FXYD6: variants seen among roughly 807,000 people sequenced by gnomAD.
The protein encoded by FXYD6 is FXYD domain containing ion transport regulator 6.
A neutral mutation model predicts 16.7 loss-of-function variants in FXYD6; 7 were observed. The observed-to-expected ratio is 0.42, with a 90% CI of 0.24 to 0.79. The LOEUF is 0.79. Ranked by LOEUF, FXYD6 falls within the 30% of genes least tolerant of loss-of-function variation. The probability of loss-of-function intolerance (pLI) is 0.28; values close to 1 mark genes in which losing one functional copy is unlikely to be tolerated. For synonymous variants in FXYD6, 49 were observed against 43.0 expected, an observed-to-expected ratio of 1.14 and a Z score of -0.54; for missense variants, 111 against 116.2, an observed-to-expected ratio of 0.95 and a Z score of 0.21.
chr11:117,842,903 G>A, intron 1 of FXYD6, 122 bp from the exon 2 acceptor site: 1 of 1,016,174 alleles, frequency 9.8e-7, no homozygotes, highest in Non-Finnish European at 1.5e-6. Context: ...TCATGACTTG[G>A]TGAGGGTTCA....
chr11:117,851,577 T>C (rs4525269), intron 1 of FXYD6, among the ~76,000 whole-genome samples: 21,650 of 152,270 alleles, frequency 0.14, 1,598 homozygotes, highest in Middle Eastern at 0.23. Flanking sequence ...AGTTTGGAAG[T>C]AATTTGCTAT....
In FXYD6 at chr11:117,841,840, T is replaced by C; in HGVS notation, c.123A>G (p.Gly41=). Residue 41 remains glycine (G), a synonymous_variant, in exon 4 of 8, where the codon GGA becomes GGG. Coordinates refer to ENST00000526014, the MANE Select transcript of FXYD6 (RefSeq NM_022003.4). The stretch of plus-strand genomic sequence containing the variant: ...AGAAGAGGACCACAGCGAACACCAG[T>C]CCCCCAATCCTCAGGGTCTGGTAAT... ...HYDYQTLRIG[G]LVFAVVLFSV... The C allele has an allele frequency of 6.2e-7, 1 of 1,613,266 alleles. No individual in the cohort carries two copies. The highest frequency in any genetic ancestry group is 8.5e-7 in the Non-Finnish European group (1 of 1,179,788).
chr11:117,857,130 T>C (rs561614473), intron 1 of FXYD6, among the ~76,000 whole-genome samples: 15 of 151,920 alleles, frequency 9.9e-5, no homozygotes, highest in Non-Finnish European at 1.8e-4. Flanking sequence ...CCTCCTTGGA[T>C]TGGAGATGGG....
intron 1 of FXYD6, among the ~76,000 whole-genome samples, chr11:117,868,091 C>T (rs1193998532): frequency 6.6e-6 from 1 of 152,200 alleles, no homozygotes; most frequent in East Asian, 1.9e-4. Context: ...ACTAATTTGG[C>T]GCATAGCACA....
chr11:117,866,403 T>G (rs533566638), intron 1 of FXYD6, among the ~76,000 whole-genome samples: 1 of 152,316 alleles, frequency 6.6e-6, no homozygotes, highest in East Asian at 1.9e-4. Flanking sequence ...GCTCACCTGA[T>G]GAGGGTGTTC....
intron 1 of FXYD6, among the ~76,000 whole-genome samples, chr11:117,859,085 T>C (rs2056843862): frequency 6.6e-6 from 1 of 151,686 alleles, no homozygotes; most frequent in African/African-American, 2.4e-5. Flanking sequence ...CGATTCTGTG[T>C]CATTTTCAAC....
intron 1 of FXYD6, among the ~76,000 whole-genome samples, chr11:117,847,981 AC>A (rs1195310550): frequency 6.6e-6 from 1 of 152,208 alleles, no homozygotes; most frequent in Non-Finnish European, 1.5e-5. Flanking sequence ...AGTCCCACCA[AC>A]AGTGTAAAAT....
At chr11:117,869,874 C>A (rs1312759702) in intron 1 of FXYD6, among the ~76,000 whole-genome samples, 1 of 152,048 alleles carries the variant, frequency 6.6e-6, no homozygotes, top group Non-Finnish European at 1.5e-5. Flanking sequence ...TCAGTGCGTG[C>A]CGGCCTGGCT....
At chr11:117,855,481 C>A (rs2056703742) in intron 1 of FXYD6, among the ~76,000 whole-genome samples, 1 of 152,196 alleles carries the variant, frequency 6.6e-6, no homozygotes, top group African/African-American at 2.4e-5. Context: ...CTGCTGCACC[C>A]AGCTTGGCTT....
chr11:117,855,129 TG>T (rs1375593348), intron 1 of FXYD6, among the ~76,000 whole-genome samples: 2 of 152,202 alleles, frequency 1.3e-5, no homozygotes, highest in Non-Finnish European at 2.9e-5. Flanking sequence ...TCAGATAAGA[TG>T]GTTGGAATCA....
In FXYD6 at chr11:117,849,418, T is replaced by C. The variant is rs1354191454; in HGVS notation, c.-5-6637A>G. Among the ~76,000 whole-genome samples, 3 of 152,384 alleles carry C rather than the reference T, an allele frequency of 2.0e-5. No homozygotes were observed. The East Asian group carries it at 5.8e-4, about 29-fold the overall frequency. On this transcript the variant is annotated intron_variant, in intron 1 of 7. Transcript: ENST00000526014. Reference sequence around the variant, plus strand: ...GAGACTTGCTTTATGACCTAGTACATGGTCAGTTATTAAAAGAATTATATT... The same window carrying C: ...GAGACTTGCTTTATGACCTAGTACACGGTCAGTTATTAAAAGAATTATATT...
At chr11:117,864,184 T>A (rs1444765630) in intron 1 of FXYD6, among the ~76,000 whole-genome samples, 1 of 152,226 alleles carries the variant, frequency 6.6e-6, no homozygotes, top group Non-Finnish European at 1.5e-5. Flanking sequence ...TCAAGCTTCC[T>A]GATTTCAAAT....
intron 1 of FXYD6, chr11:117,844,020 G>T (rs893705376): frequency 6.6e-6 from 1 of 152,326 alleles, no homozygotes; most frequent in Non-Finnish European, 1.5e-5. Flanking sequence ...GCTGGGTGCT[G>T]TTTTCCATGT....
intron 4 of FXYD6, chr11:117,841,477 G>C: frequency 1.7e-6 from 1 of 585,418 alleles, no homozygotes; most frequent in Non-Finnish European, 3.0e-6. Context: ...CACATCCCTC[G>C]CACACTAGGG....
intron 1 of FXYD6, among the ~76,000 whole-genome samples, chr11:117,848,513 C>T (rs1236249887): frequency 6.6e-6 from 1 of 151,836 alleles, no homozygotes; most frequent in Admixed American, 6.6e-5. Flanking sequence ...ATTGTATTAA[C>T]CTTGCCTGGT....
At chr11:117,877,287 G>C (rs1032177606), upstream of FXYD6, 2 of 152,246 alleles carry the variant, frequency 1.3e-5, no homozygotes, top group African/African-American at 4.8e-5. Flanking sequence ...GAGCTGGGGG[G>C]ATGGTCCTTA....
Position 117,837,938 on chromosome 11 carries a change from G to A in FXYD6, c.*361C>T. The A allele has an allele frequency of 2.1e-6, 1 of 481,208 alleles. No individual in the cohort carries two copies. The highest frequency in any genetic ancestry group is 3.8e-6 in the Non-Finnish European group (1 of 265,282). 29.8% of individuals were successfully genotyped at this position (481,208 alleles called of 1,614,324 possible). A position where few individuals can be genotyped will look rare whatever the true frequency, so the allele number is the denominator to read the frequency against. Reference sequence around the variant, plus strand: ...GGCAGGGAGGAGCAGATGGCCATGTGGCTCAGCCCCTGCCTGGGAAAGCGA... The same window carrying A: ...GGCAGGGAGGAGCAGATGGCCATGTAGCTCAGCCCCTGCCTGGGAAAGCGA... On this transcript the variant is annotated 3_prime_UTR_variant, in exon 8 of 8. Transcript: ENST00000526014. The surrounding 1 kb of genome is among the most constrained non-coding windows in gnomAD (Gnocchi z 4.4).
At chr11:117,845,257 C>T (rs2056444441) in intron 1 of FXYD6, among the ~76,000 whole-genome samples, 1 of 152,198 alleles carries the variant, frequency 6.6e-6, no homozygotes, top group South Asian at 2.1e-4. Context: ...ACATGGACTT[C>T]TGTGTCTGGC....
chr11:117,854,006 AAGGTAAGTTTTG>A (rs1263578483), intron 1 of FXYD6, among the ~76,000 whole-genome samples: 1 of 152,194 alleles, frequency 6.6e-6, no homozygotes, highest in Non-Finnish European at 1.5e-5. Flanking sequence ...AGTATGAAAT[AAGGTAAGTTTTG>A]AGCATCTGCT....
Sources: allele counts gnomAD v4.1 joint callset (sites outside exome capture counted in the v4.1 genomes callset), GRCh38; gene constraint gnomAD v4.1.1; non-coding constraint Gnocchi (gnomAD v3.1); transcripts MANE v1.5; gene names NCBI Gene and HGNC (gene_info 2026-07-23, HGNC 2026-07-21).